Variants in PRKG2 observed in about 807,000 individuals in gnomAD.
PRKG2 encodes cGMP-dependent protein kinase 2.
Under a neutral mutation model 97.2 loss-of-function variants are expected in PRKG2, and 33 were observed. That is an observed-to-expected ratio of 0.34 (90% CI 0.26 to 0.45). The LOEUF (loss-of-function observed/expected upper bound fraction) is 0.45. Among genes scored for constraint, PRKG2 ranks in the 20% least tolerant of loss-of-function variants. The pLI, the probability that PRKG2 is intolerant of heterozygous loss-of-function variation, is 1.00. For missense variants in PRKG2, 638 were observed against 900.0 expected (o/e 0.71, Z 3.73); for synonymous variants, 330 against 321.8 (o/e 1.03, Z -0.27).
intron 2 of PRKG2, chr4:81,192,127 G>C (rs1360097672): frequency 6.6e-6 from 1 of 152,138 alleles, no homozygotes; most frequent in Non-Finnish European, 1.5e-5. Context: ...ATATAGCAAT[G>C]ACAATTAGTG....
intron 2 of PRKG2, among the ~76,000 whole-genome samples, chr4:81,179,315 A>T (rs893098387): frequency 6.6e-6 from 1 of 152,190 alleles, no homozygotes; most frequent in African/African-American, 2.4e-5. Flanking sequence ...AGCTAGAAAA[A>T]AAAGGCATTA....
intron 8 of PRKG2, among the ~76,000 whole-genome samples, chr4:81,150,903 G>T (rs547150583): frequency 6.6e-6 from 1 of 151,908 alleles, no homozygotes. Flanking sequence ...GTTCATTACC[G>T]GCTATAAAGT....
At chr4:81,092,553 GATAA>G in intron 17 of PRKG2, 101 bp from the exon 18 acceptor site, 1 of 748,326 alleles carries the variant, frequency 1.3e-6, no homozygotes, top group African/African-American at 1.8e-5. Context: ...TTACTTGGAT[GATAA>G]ACTATTAGCA....
chr4:81,162,153 T>A (rs1260078369), intron 6 of PRKG2, among the ~76,000 whole-genome samples: 1 of 152,146 alleles, frequency 6.6e-6, no homozygotes, highest in Non-Finnish European at 1.5e-5. Context: ...CTACACCTAA[T>A]GTTGTTTGAG....
At chr4:81,108,749 T>C (rs897354655) in intron 15 of PRKG2, among the ~76,000 whole-genome samples, 1 of 152,018 alleles carries the variant, frequency 6.6e-6, no homozygotes, top group African/African-American at 2.4e-5. Flanking sequence ...TTTTAAAAAT[T>C]AGCTGGGCAT....
At chr4:81,103,825 G>A (rs770890022) in intron 17 of PRKG2, among the ~76,000 whole-genome samples, 34 of 152,156 alleles carry the variant, frequency 2.2e-4, no homozygotes, top group Admixed American at 6.6e-4. Flanking sequence ...GAGGTCAGGA[G>A]TTTGAGACCA....
chr4:81,202,628 CAAT>C (rs962559584), intron 2 of PRKG2, among the ~76,000 whole-genome samples: 3 of 152,160 alleles, frequency 2.0e-5, no homozygotes, highest in African/African-American at 7.2e-5. Context: ...GGAGAATAAT[CAAT>C]AATCCTTATT....
Position 81,167,161 on chromosome 4 carries a change from C to T in PRKG2, c.912G>A (p.Val304=). ...TATTTTTTACTTCAAAATTTCTTAC[C>T]ACTTCCAAGCAGTCAATGATCTTGG... ...KLTKIIDCLE[V]EYYDKGDYII... The change falls in exon 6 of 19, where the codon GTG becomes GTA. Residue 304 remains valine, a splice_region_variant and synonymous_variant. Transcript: ENST00000264399. The T allele has an allele frequency of 6.3e-7, 1 of 1,577,362 alleles. No individual in the cohort carries two copies.
At chr4:81,167,790 G>T (rs967399676) in intron 5 of PRKG2, among the ~76,000 whole-genome samples, 1 of 151,900 alleles carries the variant, frequency 6.6e-6, no homozygotes, top group African/African-American at 2.4e-5. Context: ...ACTAAATCAA[G>T]CTACAGGCAA....
intron 2 of PRKG2, among the ~76,000 whole-genome samples, chr4:81,196,925 T>C (rs1752994359): frequency 6.6e-6 from 1 of 152,164 alleles, no homozygotes; most frequent in Admixed American, 6.5e-5. Context: ...ATACAAGAAA[T>C]GTACCTTTCA....
At chr4:81,134,385 C>A (rs1457174639) in intron 14 of PRKG2, among the ~76,000 whole-genome samples, 1 of 152,038 alleles carries the variant, frequency 6.6e-6, no homozygotes, top group Non-Finnish European at 1.5e-5. Context: ...CTTTTAATAT[C>A]TTTGTAAATG....
chr4:81,162,080 G>C (rs1440734835), intron 6 of PRKG2, among the ~76,000 whole-genome samples: 2 of 152,142 alleles, frequency 1.3e-5, no homozygotes, highest in African/African-American at 4.8e-5. Context: ...GATTTGCTCA[G>C]CTGTTTCCTA....
At chr4:81,118,230 A>G (rs79675495) in intron 14 of PRKG2, among the ~76,000 whole-genome samples, 3,971 of 152,278 alleles carry the variant, frequency 0.026, 170 homozygotes, top group African/African-American at 0.091. Flanking sequence ...CTGTTTACCC[A>G]TTCACCTACT....
rs557331411 is a variant in PRKG2 at position 81,129,430 on chromosome 4, G to A, written c.1776+5725C>T. Among the ~76,000 whole-genome samples, 193 of 152,192 alleles carry A rather than the reference G, an allele frequency of 1.3e-3. 1 individual carries two copies. The highest frequency in any genetic ancestry group is 4.5e-3 in the African/African-American group (188 of 41,514). ...ATTGATCTGTCTAATGTTGACAGTG[G>A]AGTGTTAATGTCTCCCACTATTATT... On this transcript the variant is annotated intron_variant, in intron 14 of 18. Transcript: ENST00000264399.
At chr4:81,157,196 G>GA (rs923709475) in intron 6 of PRKG2, among the ~76,000 whole-genome samples, 9 of 151,298 alleles carry the variant, frequency 5.9e-5, no homozygotes. Flanking sequence ...GATTAATAAA[G>GA]AAAAAAAGAG....
chr4:81,211,670 T>C (rs2110137731), intron 1 of PRKG2, among the ~76,000 whole-genome samples: 1 of 152,232 alleles, frequency 6.6e-6, no homozygotes, highest in Middle Eastern at 3.4e-3. Context: ...TAGGAGGTGA[T>C]AGTTTAAGGA....
intron 9 of PRKG2, among the ~76,000 whole-genome samples, chr4:81,144,782 G>C (rs547269811): frequency 6.5e-5 from 7 of 108,334 alleles, no homozygotes; most frequent in African/African-American, 2.7e-4. Context: ...GACAGGCCCC[G>C]GTGTGTCATG....
chr4:81,109,651 T>C (rs1270379463), intron 15 of PRKG2, among the ~76,000 whole-genome samples: 1 of 152,158 alleles, frequency 6.6e-6, no homozygotes, highest in Non-Finnish European at 1.5e-5. Flanking sequence ...ATGTAAATCA[T>C]AAAATAATCA....
intron 2 of PRKG2, among the ~76,000 whole-genome samples, chr4:81,200,092 G>A (rs1296275194): frequency 6.6e-6 from 1 of 152,164 alleles, no homozygotes; most frequent in Non-Finnish European, 1.5e-5. Flanking sequence ...TTTTTGCTCT[G>A]ATGAAGTTTT....
Sources: gnomAD v4.1 joint callset for allele counts (sites outside exome capture counted in the v4.1 genomes callset) on GRCh38, gnomAD v4.1.1 for gene constraint, MANE v1.5 for transcripts, NCBI Gene and HGNC (gene_info 2026-07-23, HGNC 2026-07-21) for gene names.